Variants in EYS observed in about 807,000 individuals in gnomAD.
EYS encodes protein eyes shut homolog.
EYS carries 250 observed loss-of-function variants against 282.1 expected under a neutral mutation model. The observed-to-expected ratio is 0.89, with a 90% confidence interval of 0.80 to 0.98. The LOEUF is 0.98. EYS is among the 50% of genes least tolerant of loss of function. EYS has a pLI of 0.00. For missense variants in EYS, 4,016 were observed against 3,709.0 expected (o/e 1.08, Z -2.15); for synonymous variants, 1,355 against 1,282.9 (o/e 1.06, Z -1.20).
At chr6:65,598,883 A>G (rs1765510685) in intron 2 of EYS, among the ~76,000 whole-genome samples, 1 of 152,128 alleles carries the variant, frequency 6.6e-6, no homozygotes, top group Non-Finnish European at 1.5e-5. Flanking sequence ...AATCAAAGGG[A>G]GTAGTAATAG....
At chr6:65,037,400 C>A (rs145166260) in intron 13 of EYS, among the ~76,000 whole-genome samples, 1 of 151,700 alleles carries the variant, frequency 6.6e-6, no homozygotes, top group Non-Finnish European at 1.5e-5. Flanking sequence ...TATCTGTACA[C>A]CAAACCTCCA....
intron 5 of EYS, among the ~76,000 whole-genome samples, chr6:65,427,382 A>C (rs1767700561): frequency 6.6e-6 from 1 of 151,172 alleles, no homozygotes; most frequent in Non-Finnish European, 1.5e-5. Context: ...TACACGTTTA[A>C]ATTTTTCAAA....
chr6:64,154,981 G>A (rs577066233), intron 31 of EYS, among the ~76,000 whole-genome samples: 21 of 152,272 alleles, frequency 1.4e-4, no homozygotes, highest in African/African-American at 5.1e-4. Flanking sequence ...TGTAAAACTA[G>A]CAAGCATATT....
intron 5 of EYS, among the ~76,000 whole-genome samples, chr6:65,459,968 TTATATATA>T (rs34762215): frequency 0.15 from 11,967 of 80,674 alleles, 831 homozygotes; most frequent in Admixed American, 0.2. Context: ...TTTGTGTATT[TTATATATA>T]TATATATATA....
At chr6:64,416,630 G>A (rs11752770) in intron 28 of EYS, among the ~76,000 whole-genome samples, 42,010 of 150,112 alleles carry the variant, frequency 0.28, 5,934 homozygotes, top group East Asian at 0.47. Context: ...AGTACTTAAT[G>A]TTTATCACTC....
chr6:64,255,936 A>T (rs7768934), intron 30 of EYS, among the ~76,000 whole-genome samples: 103,791 of 151,162 alleles, frequency 0.69, 35,627 homozygotes, highest in South Asian at 0.71. Context: ...GTTAAAAAAA[A>T]GTTCATTGGT....
At chr6:63,755,099 C>A (rs753957715) in intron 41 of EYS, among the ~76,000 whole-genome samples, 5 of 151,850 alleles carry the variant, frequency 3.3e-5, no homozygotes, top group Non-Finnish European at 7.4e-5. Context: ...TGCCGTTTTT[C>A]AGATGGATAG....
intron 34 of EYS, among the ~76,000 whole-genome samples, chr6:63,989,863 T>A (rs1019355456): frequency 2.6e-5 from 4 of 151,506 alleles, no homozygotes; most frequent in African/African-American, 7.3e-5. Flanking sequence ...GCATATTGCA[T>A]AGGACAGTAG....
intron 22 of EYS, among the ~76,000 whole-genome samples, chr6:64,633,626 C>A (rs1348777955): frequency 2.9e-4 from 41 of 140,562 alleles, no homozygotes; most frequent in Non-Finnish European, 4.1e-4. Context: ...CTTTTCTCAG[C>A]AAAAAAAAAA....
intron 22 of EYS, among the ~76,000 whole-genome samples, chr6:64,754,369 C>A (rs1772862439): frequency 7.7e-6 from 1 of 129,630 alleles, no homozygotes; most frequent in Admixed American, 8.1e-5. Context: ...CTCTGGAAAA[C>A]CCAGGACCAG....
intron 22 of EYS, among the ~76,000 whole-genome samples, chr6:64,794,805 GA>G (rs1458475059): frequency 6.6e-6 from 1 of 151,924 alleles, no homozygotes; most frequent in Non-Finnish European, 1.5e-5. Context: ...ATGATTTTCT[GA>G]AAAAAATCAC....
intron 23 of EYS, 141 bp downstream of exon 23, chr6:64,625,980 C>A: frequency 1.9e-6 from 1 of 536,646 alleles, no homozygotes; most frequent in Admixed American, 3.8e-5. Flanking sequence ...ATGATCATTG[C>A]TTAAAACTTG....
At chr6:63,957,812 A>G (rs1765888024) in intron 35 of EYS, among the ~76,000 whole-genome samples, 1 of 140,764 alleles carries the variant, frequency 7.1e-6, no homozygotes, top group African/African-American at 2.4e-5. Flanking sequence ...GCTAGACTTG[A>G]CACTCAAACA....
intron 41 of EYS, among the ~76,000 whole-genome samples, chr6:63,755,557 G>A (rs903262409): frequency 1.3e-5 from 2 of 152,180 alleles, no homozygotes; most frequent in African/African-American, 4.8e-5. Context: ...TTGAAGTCAG[G>A]TAGTGTGATG....
At chr6:64,109,445 T>C (rs1399719742) in intron 31 of EYS, among the ~76,000 whole-genome samples, 2 of 152,040 alleles carry the variant, frequency 1.3e-5, no homozygotes, top group African/African-American at 2.4e-5. Context: ...CTATGTAATA[T>C]AAAATAATTT....
At chr6:64,943,258 G>A (rs932511689) in intron 15 of EYS, among the ~76,000 whole-genome samples, 3 of 151,952 alleles carry the variant, frequency 2.0e-5, no homozygotes, top group Non-Finnish European at 2.9e-5. Context: ...ATACTAAATG[G>A]GCAAAGTCTA....
intron 12 of EYS, among the ~76,000 whole-genome samples, chr6:65,194,901 C>A (rs1436981704): frequency 4.0e-5 from 6 of 150,836 alleles, no homozygotes; most frequent in Non-Finnish European, 8.9e-5. Context: ...TATATTAAAC[C>A]TAGTTGGTTT....
rs563473117 is a variant in EYS, at chr6:65,218,930, G to A, written c.2023+76933C>T. ...AAAATGAAAACAAAGCAAGTGAACAGTGATAGAAATCAAGATAACTTTTTT... is the reference window on the plus strand; with the variant it reads ...AAAATGAAAACAAAGCAAGTGAACAATGATAGAAATCAAGATAACTTTTTT... On this transcript the variant is annotated intron_variant, in intron 12 of 42. Coordinates refer to ENST00000503581, the MANE Select transcript of EYS (RefSeq NM_001142800.2). 4.6e-5 allele frequency among the ~76,000 whole-genome samples: 7 copies of A among 152,132 alleles called. No homozygotes were observed. The South Asian group carries it at 1.0e-3, about 23-fold the overall frequency.
At chr6:63,982,928 T>A (rs536785900) in intron 35 of EYS, among the ~76,000 whole-genome samples, 67 of 151,888 alleles carry the variant, frequency 4.4e-4, no homozygotes, top group African/African-American at 1.6e-3. Context: ...TTAGAGAAGG[T>A]TTTTTCCCGT....
Sources: gnomAD v4.1 joint callset for allele counts (sites outside exome capture counted in the v4.1 genomes callset) on GRCh38, gnomAD v4.1.1 for gene constraint, MANE v1.5 for transcripts, NCBI Gene and HGNC (gene_info 2026-07-23, HGNC 2026-07-21) for gene names.